Variants in ALYREF observed in about 807,000 individuals in gnomAD.
ALYREF encodes the protein THO complex subunit 4.
Under a neutral mutation model 25.2 loss-of-function variants are expected in ALYREF, and 1 was observed. The ratio of observed to expected loss-of-function variants is 0.04; its 90% CI spans 0.01 to 0.19. The LOEUF is 0.19. Ranked by LOEUF, ALYREF falls within the 10% of genes least tolerant of loss-of-function variation. ALYREF has a pLI of 1.00. For missense variants in ALYREF, 328 were observed against 375.6 expected, an observed-to-expected ratio of 0.87 and a Z score of 1.05; for synonymous variants, 193 against 153.5, an observed-to-expected ratio of 1.26 and a Z score of -1.90.
Position 81,891,560 on chromosome 17 carries a change from G to GGCGGGCGCGGAATCGGGCATCGGC in ALYREF, c.-4_20dup (p.Ala7_Met8insProMetProAspSerAlaProAla). 7.0e-7 allele frequency: 1 copy of GGCGGGCGCGGAATCGGGCATCGGC among 1,438,456 alleles called. No homozygotes were observed. Among genetic ancestry groups the GGCGGGCGCGGAATCGGGCATCGGC allele is most frequent in the Non-Finnish European group, 9.1e-7 (1 of 1,095,066 alleles). The allele number at this position is 1,438,456 out of a possible 1,614,324, so 89.1% of individuals were successfully genotyped here. ...GAGACATGTCCATTTTGTCGGCCATGGCGGGCGCGGAATCGGGCATCGGCT... is the reference window on the plus strand; with the variant it reads ...GAGACATGTCCATTTTGTCGGCCATGGCGGGCGCGGAATCGGGCATCGGCGCGGGCGCGGAATCGGGCATCGGCT... On this transcript the variant is annotated inframe_insertion, in exon 1 of 6. Coordinates refer to ENST00000505490, the MANE Select transcript of ALYREF (RefSeq NM_005782.4).
rs147825902 is a variant in ALYREF at position 81,889,156 on chromosome 17, C to G, written c.538+26G>C. 3.9e-4 allele frequency: 628 copies of G among 1,610,188 alleles called. 3 individuals carry two copies. In the African/African-American group the frequency reaches 7.5e-3, roughly 19 times the overall value. Reference sequence around the variant, plus strand: ...CCCCAAACTCCACAAGCCCCACAGTCAGCGTGGGTCCACCCCCAGACTCAC... The same window carrying G: ...CCCCAAACTCCACAAGCCCCACAGTGAGCGTGGGTCCACCCCCAGACTCAC... On this transcript the variant is annotated intron_variant, in intron 3 of 5. Transcript: ENST00000505490.
Position 81,888,402 on chromosome 17 carries a change from T to C in ALYREF, c.619A>G (p.Met207Val), listed in dbSNP as rs775193632. 4 of 1,600,358 alleles carry C rather than the reference T, an allele frequency of 2.5e-6. No individual in the cohort carries two copies. The highest frequency in any genetic ancestry group is 1.3e-5 in the African/African-American group (1 of 74,678). The change falls in exon 5 of 6, where the codon ATG (methionine) becomes GTG (valine). Residue 207 changes from methionine to valine, a missense_variant. Met to Val is a conservative substitution (Grantham distance 21). Around this residue, in one of 3 missense-constraint regions of ALYREF, gnomAD observed 108 missense variants for 110.5 expected, o/e 0.98. Transcript: ENST00000505490. The surrounding 1 kb of genome is among the most constrained non-coding windows in gnomAD (Gnocchi z 5.8). The stretch of plus-strand genomic sequence containing the variant: ...CCTCCAGCGCCACGGTTTCTAGTCA[T>C]GCCACCTCTGTTTACGCTAGCAAGG... ...RPAQSVNRGG[M>V]TRNRGAGGFG...
At position 81,891,360 on chromosome 17, in the gene ALYREF, C is replaced by T; in HGVS notation, c.221G>A (p.Gly74Asp). ...CGCCGGTCGGTTCCTGCCGCCTCCG[C>T]CGGCCGCGCCGCGGGCGATGGCCGG... Reference protein sequence around the residue: ...NRPAIARGAAGGGGRNRPAPY... With the variant: ...NRPAIARGAADGGGRNRPAPY... The change falls in exon 1 of 6, where the codon GGC (glycine) becomes GAC (aspartate). Residue 74 changes from glycine (G) to aspartate (D), a missense_variant. This residue lies in a region of ALYREF where 150 missense variants were observed against 135.3 expected (regional missense o/e 1.11). Transcript: ENST00000505490. The T allele has an allele frequency of 2.6e-6, 3 of 1,154,398 alleles. No homozygotes were observed. Among genetic ancestry groups the T allele is most frequent in the South Asian group, 2.9e-5 (1 of 34,332 alleles). 71.5% of individuals were successfully genotyped at this position (1,154,398 alleles called of 1,614,324 possible). A position where few individuals can be genotyped will look rare whatever the true frequency, so the allele number is the denominator to read the frequency against.
chr17:81,890,678 T>C lies in ALYREF; in HGVS notation c.390+11A>G. The C allele has an allele frequency of 6.2e-7, 1 of 1,612,874 alleles. No individual in the cohort carries two copies. Among genetic ancestry groups the C allele is most frequent in the Non-Finnish European group, 8.5e-7 (1 of 1,179,874 alleles). On this transcript the variant is annotated intron_variant, in intron 2 of 5. Coordinates refer to ENST00000505490, the MANE Select transcript of ALYREF (RefSeq NM_005782.4). ...GGGCGAACGGCTCACCGAGAAGCCC[T>C]CGTCTCTTACCTGAATATCGGCGTC...
intron 2 of ALYREF, among the ~76,000 whole-genome samples, chr17:81,890,452 A>T (rs767103782): frequency 6.6e-6 from 1 of 152,032 alleles, no homozygotes; most frequent in Non-Finnish European, 1.5e-5. Context: ...CTGGCAGGGG[A>T]TTTTCACTCA....
In ALYREF at chr17:81,887,966, A is replaced by AG; in HGVS notation, c.*164_*165insC. 1 of 804,090 alleles carries AG rather than the reference A, an allele frequency of 1.2e-6. No individual in the cohort carries two copies. The allele number at this position is 804,090 out of a possible 1,614,324, so 49.8% of individuals were successfully genotyped here. A position where few individuals can be genotyped will look rare whatever the true frequency, so the allele number is the denominator to read the frequency against. Reference sequence around the variant, plus strand: ...CAGGTCTGTTTCAGAATTAAAAAAAAAAAAAAAGAAAAAAAAAAAACCTTT... The same window carrying AG: ...CAGGTCTGTTTCAGAATTAAAAAAAAGAAAAAAAGAAAAAAAAAAAACCTTT... On this transcript the variant is annotated 3_prime_UTR_variant, in exon 6 of 6. Transcript: ENST00000505490.
chr17:81,888,543 G>A lies in ALYREF; in HGVS notation c.579C>T (p.Asp193=), dbSNP rs773983927. The A allele has an allele frequency of 1.3e-5, 21 of 1,596,794 alleles. No homozygotes were observed. The highest frequency in any genetic ancestry group is 4.5e-5 in the South Asian group (4 of 88,956). ...MNIQLVTSQI[D]AQRRPAQSVN... ...ACCTCTGTGCAGGCCTCCGCTGTGC[G>A]TCAATCTGTGACGTGACAAGCTGAA... Residue 193 remains aspartate, a synonymous_variant, in exon 4 of 6, where the codon GAC becomes GAT. Coordinates refer to ENST00000505490, the MANE Select transcript of ALYREF (RefSeq NM_005782.4). This position sits in a 1 kb window ranked among gnomAD's most constrained non-coding sequence, Gnocchi z 5.8.
rs1471681817 is a variant in ALYREF, at chr17:81,890,782, G to A, written c.297C>T (p.Phe99=). 1.2e-6 allele frequency: 2 copies of A among 1,614,000 alleles called. No individual in the cohort carries two copies. Among genetic ancestry groups the A allele is most frequent in the East Asian group, 2.2e-5 (1 of 44,890 alleles). ...CGGCACCACCGCCGAAGCCACTGTC[G>A]AAAAGATCGTGCTGCCACTTGTCGG... ...QLPDKWQHDL[F]DSGFGGGAGV... is the part of the protein sequence containing the mutation. Residue 99 remains phenylalanine, a synonymous_variant, in exon 2 of 6, where the codon TTC becomes TTT. Coordinates refer to ENST00000505490, the MANE Select transcript of ALYREF (RefSeq NM_005782.4).
At position 81,888,765 on chromosome 17, in the gene ALYREF, A is replaced by AC; in HGVS notation, c.539-183dup. On this transcript the variant is annotated intron_variant, in intron 3 of 5. Transcript: ENST00000505490. The surrounding 1 kb of genome is among the most constrained non-coding windows in gnomAD (Gnocchi z 5.8). The stretch of plus-strand genomic sequence containing the variant: ...AACAAAATGGCAAGGAAGCAACCCC[A>AC]CCAACACCTCCTCACTCCTTCTCAG... 1 of 1,450,336 alleles carries AC rather than the reference A, an allele frequency of 6.9e-7. No homozygotes were observed. Among genetic ancestry groups the AC allele is most frequent in the Non-Finnish European group, 9.1e-7 (1 of 1,101,058 alleles). 89.8% of individuals were successfully genotyped at this position (1,450,336 alleles called of 1,614,324 possible).
In ALYREF at chr17:81,888,256, G is replaced by A. The variant is rs749604246; in HGVS notation, c.765C>T (p.Asp255=). Residue 255 remains aspartate (D), a synonymous_variant, in exon 5 of 6, where the codon GAC becomes GAT. Transcript: ENST00000505490. This position sits in a 1 kb window ranked among gnomAD's most constrained non-coding sequence, Gnocchi z 5.8. The part of the protein sequence containing the change: ...LSAEELDAQL[D]AYNARMDTS ...CGGGACTCACTCTCGCATTATAGGC[G>A]TCCAGCTGGGCATCCAGCTCCTCTG... is the stretch of plus-strand genomic sequence containing the variant. 75 of 1,610,872 alleles carry A rather than the reference G, an allele frequency of 4.7e-5. No homozygotes were observed. The highest frequency in any genetic ancestry group is 6.1e-5 in the Non-Finnish European group (72 of 1,178,732).
At chr17:81,891,263 C>T (rs2039522578) in intron 1 of ALYREF, 60 bp downstream of exon 1, 7 of 1,092,656 alleles carry the variant, frequency 6.4e-6, no homozygotes, top group Non-Finnish European at 7.8e-6. Context: ...GCGAGCGGCC[C>T]CGGCCCCAGC....
In ALYREF at chr17:81,888,549, C is replaced by T; in HGVS notation, c.573G>A (p.Gln191=). 6.3e-7 allele frequency: 1 copy of T among 1,596,996 alleles called. No homozygotes were observed. Among genetic ancestry groups the T allele is most frequent in the Non-Finnish European group, 8.5e-7 (1 of 1,170,934 alleles). ...GTGCAGGCCTCCGCTGTGCGTCAAT[C>T]TGTGACGTGACAAGCTGAATGTTCA... ...RPMNIQLVTS[Q]IDAQRRPAQS... Residue 191 remains glutamine, a synonymous_variant, in exon 4 of 6, where the codon CAG becomes CAA. Transcript: ENST00000505490. The surrounding 1 kb of genome is among the most constrained non-coding windows in gnomAD (Gnocchi z 5.8).
At position 81,888,461 on chromosome 17, in the gene ALYREF, T is replaced by A. The variant is rs185134591; in HGVS notation, c.603-43A>T. ...ACCGTTCACACACCCGGAAGGACCC[T>A]AAGAGCGACGCAGCCTCACCCTCGG... On this transcript the variant is annotated intron_variant, in intron 4 of 5. Transcript: ENST00000505490. This position sits in a 1 kb window ranked among gnomAD's most constrained non-coding sequence, Gnocchi z 5.8. 2.3e-4 allele frequency: 363 copies of A among 1,605,354 alleles called. No individual in the cohort carries two copies. In the East Asian group the frequency reaches 6.0e-3, roughly 27 times the overall value.
At position 81,888,838 on chromosome 17, in the gene ALYREF, G is replaced by A; in HGVS notation, c.539-255C>T. On this transcript the variant is annotated intron_variant, in intron 3 of 5. Transcript: ENST00000505490. The surrounding 1 kb of genome is among the most constrained non-coding windows in gnomAD (Gnocchi z 5.8). ...CTGAGGTATCGGGGTGCTCGTGGGT[G>A]GAGAGGTGTGGGTGACCTGACGAAG... The A allele has an allele frequency of 7.1e-7, 1 of 1,417,830 alleles. No individual in the cohort carries two copies. Among genetic ancestry groups the A allele is most frequent in the Non-Finnish European group, 9.2e-7 (1 of 1,088,604 alleles). The allele number at this position is 1,417,830 out of a possible 1,614,324, so 87.8% of individuals were successfully genotyped here.
chr17:81,891,079 G>C (rs982278497), intron 1 of ALYREF: 1 of 666,948 alleles, frequency 1.5e-6, no homozygotes, highest in Non-Finnish European at 2.4e-6. Flanking sequence ...CCTGCCACGA[G>C]GCCCCAACGT....
chr17:81,888,863 G>A lies in ALYREF; in HGVS notation c.539-280C>T, dbSNP rs2039465776. 3 of 1,409,654 alleles carry A rather than the reference G, an allele frequency of 2.1e-6. No homozygotes were observed. Among genetic ancestry groups the A allele is most frequent in the East Asian group, 2.6e-5 (1 of 39,016 alleles). 87.3% of individuals were successfully genotyped at this position (1,409,654 alleles called of 1,614,324 possible). A position where few individuals can be genotyped will look rare whatever the true frequency, so the allele number is the denominator to read the frequency against. On this transcript the variant is annotated intron_variant, in intron 3 of 5. Coordinates refer to ENST00000505490, the MANE Select transcript of ALYREF (RefSeq NM_005782.4). This position sits in a 1 kb window ranked among gnomAD's most constrained non-coding sequence, Gnocchi z 5.8. Reference sequence around the variant, plus strand: ...GGAGAGGTGTGGGTGACCTGACGAAGAAGAACCGGTACCTTTGTCTTTACG... The same window carrying A: ...GGAGAGGTGTGGGTGACCTGACGAAAAAGAACCGGTACCTTTGTCTTTACG...
Position 81,888,720 on chromosome 17 carries a change from C to T in ALYREF, c.539-137G>A. 6.8e-7 allele frequency: 1 copy of T among 1,480,176 alleles called. No individual in the cohort carries two copies. The highest frequency in any genetic ancestry group is 1.4e-5 in the South Asian group (1 of 73,908). 91.7% of individuals were successfully genotyped at this position (1,480,176 alleles called of 1,614,324 possible). ...CAAATGCCCCCGACAAGGGAAATGG[C>T]CTGGAGATACTGGTGGGAGAACAAA... On this transcript the variant is annotated intron_variant, in intron 3 of 5. Transcript: ENST00000505490. The surrounding 1 kb of genome is among the most constrained non-coding windows in gnomAD (Gnocchi z 5.8).
At chr17:81,890,914 C>T in intron 1 of ALYREF, 94 bp from the exon 2 acceptor site, 1 of 1,561,780 alleles carries the variant, frequency 6.4e-7, no homozygotes, top group Non-Finnish European at 8.7e-7. Flanking sequence ...CTCTTCCCGG[C>T]CTGAGAGGAT....
In ALYREF at chr17:81,888,801, G is replaced by C; in HGVS notation, c.539-218C>G. 7.0e-7 allele frequency: 1 copy of C among 1,428,138 alleles called. No homozygotes were observed. Among genetic ancestry groups the C allele is most frequent in the South Asian group, 1.5e-5 (1 of 66,544 alleles). 88.5% of individuals were successfully genotyped at this position (1,428,138 alleles called of 1,614,324 possible). ...CTCACTCCTTCTCAGTCCAGACTAG[G>C]TGGGCTGCTCGCTGAGGTATCGGGG... On this transcript the variant is annotated intron_variant, in intron 3 of 5. Transcript: ENST00000505490. The surrounding 1 kb of genome is among the most constrained non-coding windows in gnomAD (Gnocchi z 5.8).
Sources: gnomAD v4.1 joint callset for allele counts (sites outside exome capture counted in the v4.1 genomes callset) on GRCh38, gnomAD v4.1.1 for gene constraint, gnomAD v4.1.1 regional missense constraint, Gnocchi (gnomAD v3.1) non-coding constraint, MANE v1.5 for transcripts, NCBI Gene and HGNC (gene_info 2026-07-23, HGNC 2026-07-21) for gene names.